KIF2C: variants seen among roughly 807,000 people sequenced by gnomAD.
The protein encoded by KIF2C is kinesin family member 2C.
A neutral mutation model predicts 97.4 loss-of-function variants in KIF2C; 34 were observed. That is an observed-to-expected ratio of 0.35 (90% confidence interval 0.27 to 0.46). KIF2C has a LOEUF of 0.46. Ranked by LOEUF, KIF2C falls within the 20% of genes least tolerant of loss-of-function variation. KIF2C has a pLI of 1.00. For synonymous variants in KIF2C, 313 were observed against 318.2 expected, an observed-to-expected ratio of 0.98 and a Z score of 0.17; for missense variants, 750 against 907.6, an observed-to-expected ratio of 0.83 and a Z score of 2.23.
chr1:44,745,586 G>A (rs1439134193), intron 2 of KIF2C, among the ~76,000 whole-genome samples: 1 of 142,170 alleles, frequency 7.0e-6, no homozygotes, highest in Non-Finnish European at 1.5e-5. Context: ...CGATTCTTCT[G>A]CCTCAGCCTC....
At chr1:44,757,516 C>T (rs779019832) in intron 10 of KIF2C, 40 bp from the exon 11 acceptor site, 1 of 1,306,762 alleles carries the variant, frequency 7.7e-7, no homozygotes, top group Non-Finnish European at 1.1e-6. Flanking sequence ...CCAGGGAGCA[C>T]AGTTTGGGAA....
At chr1:44,765,708 AC>A (rs774171886) in intron 19 of KIF2C, among the ~76,000 whole-genome samples, 8 of 152,150 alleles carry the variant, frequency 5.3e-5, no homozygotes, top group Non-Finnish European at 1.0e-4. Flanking sequence ...GGTGGCGCGT[AC>A]CTGTAGTCTC....
At chr1:44,748,608 G>A (rs887411359) in intron 4 of KIF2C, among the ~76,000 whole-genome samples, 2 of 152,008 alleles carry the variant, frequency 1.3e-5, no homozygotes, top group African/African-American at 2.4e-5. Flanking sequence ...TGATATGATC[G>A]TAGCTCACTG....
chr1:44,767,245 T>C lies in KIF2C; in HGVS notation c.*66T>C, dbSNP rs540857768. ...CTTCCCTGGCCCTCCCCAGAGAACT[T>C]TGGGTACCTGGTGGGTCTAGGCAGG... On this transcript the variant is annotated 3_prime_UTR_variant, in exon 21 of 21. Transcript: ENST00000372224. 152 of 1,442,960 alleles carry C rather than the reference T, an allele frequency of 1.1e-4. 1 individual carries two copies. Among genetic ancestry groups the C allele is most frequent in the South Asian group, 8.1e-4 (70 of 86,192 alleles). 89.4% of individuals were successfully genotyped at this position (1,442,960 alleles called of 1,614,324 possible).
In KIF2C at chr1:44,757,912, T is replaced by A; in HGVS notation, c.1073T>A (p.Met358Lys). Residue 358 changes from methionine to lysine, a missense_variant, in exon 12 of 21, where the codon ATG (methionine) becomes AAG (lysine). Physicochemically the swap from Met to Lys is moderately conservative, Grantham distance 95. Coordinates refer to ENST00000372224, the MANE Select transcript of KIF2C (RefSeq NM_006845.4). ...TTCTACCCCTTCCCTTTGCAGACTA[T>A]GGGCGGAGACCTCTCTGGGAAAGCC... ...GQTGSGKTHT[M>K]GGDLSGKAQN... 6.2e-7 allele frequency: 1 copy of A among 1,614,136 alleles called. No individual in the cohort carries two copies. Among genetic ancestry groups the A allele is most frequent in the Non-Finnish European group, 8.5e-7 (1 of 1,179,994 alleles).
chr1:44,766,163 T>G (rs1186660850), intron 19 of KIF2C, among the ~76,000 whole-genome samples: 5 of 150,478 alleles, frequency 3.3e-5, no homozygotes, highest in Non-Finnish European at 5.9e-5. Flanking sequence ...GAGGCGGAGG[T>G]TGCAGTGAGC....
chr1:44,743,243 C>T (rs1334664226), intron 2 of KIF2C, among the ~76,000 whole-genome samples: 3 of 152,174 alleles, frequency 2.0e-5, no homozygotes, highest in African/African-American at 7.2e-5. Context: ...GGTCACTGGG[C>T]TAGGAGTATG....
At chr1:44,765,469 GAAA>G (rs1650409144) in intron 19 of KIF2C, among the ~76,000 whole-genome samples, 2 of 86,392 alleles carry the variant, frequency 2.3e-5, no homozygotes, top group South Asian at 6.2e-4. Flanking sequence ...AATAAAAAAA[GAAA>G]GAAAGAAAGA....
chr1:44,756,473 G>C (rs1338704584), intron 10 of KIF2C, among the ~76,000 whole-genome samples: 1 of 150,930 alleles, frequency 6.6e-6, no homozygotes, highest in African/African-American at 2.4e-5. Context: ...GGGTTCTTCT[G>C]TGCCTTATGC....
At chr1:44,764,811 A>G (rs544317370) in intron 19 of KIF2C, among the ~76,000 whole-genome samples, 4 of 152,222 alleles carry the variant, frequency 2.6e-5, no homozygotes, top group African/African-American at 4.8e-5. Flanking sequence ...GCCCAGTCGT[A>G]TATCTATTAT....
chr1:44,739,920 G>A lies in KIF2C; in HGVS notation c.-13G>A, dbSNP rs765334586. The A allele has an allele frequency of 1.2e-6, 2 of 1,613,412 alleles. No individual in the cohort carries two copies. Among genetic ancestry groups the A allele is most frequent in the Non-Finnish European group, 1.7e-6 (2 of 1,179,300 alleles). Reference sequence around the variant, plus strand: ...TTGGTATTGCGCGTTTCTCTTCCTTGCTGACTCTCCGAATGGCCATGGACT... The same window carrying A: ...TTGGTATTGCGCGTTTCTCTTCCTTACTGACTCTCCGAATGGCCATGGACT... On this transcript the variant is annotated 5_prime_UTR_variant, in exon 1 of 21. Transcript: ENST00000372224.
rs147138114 is a variant in KIF2C at position 44,741,412 on chromosome 1, C to T, written c.165+405C>T. 6.9e-4 allele frequency among the ~76,000 whole-genome samples: 103 copies of T among 149,870 alleles called. 1 individual carries two copies. In the East Asian group the frequency reaches 0.018, roughly 26 times the overall value. On this transcript the variant is annotated intron_variant, in intron 2 of 20. Transcript: ENST00000372224. The stretch of plus-strand genomic sequence containing the variant: ...AAAAAAAAAAAAAATTGGCTGGGTG[C>T]GGTGGCTCTTGCCTCTAATCCCGAC...
intron 19 of KIF2C, among the ~76,000 whole-genome samples, chr1:44,766,333 C>T (rs1650462497): frequency 6.6e-6 from 1 of 152,162 alleles, no homozygotes; most frequent in South Asian, 2.1e-4. Context: ...GATAGGAGGC[C>T]GGAAGTGGTG....
intron 10 of KIF2C, 42 bp from the exon 11 acceptor site, chr1:44,757,514 C>A: frequency 7.8e-7 from 1 of 1,286,288 alleles, no homozygotes; most frequent in Non-Finnish European, 1.1e-6. Flanking sequence ...TTCCAGGGAG[C>A]ACAGTTTGGG....
intron 2 of KIF2C, among the ~76,000 whole-genome samples, chr1:44,743,193 A>G (rs1649020614): frequency 6.6e-6 from 1 of 152,190 alleles, no homozygotes; most frequent in Non-Finnish European, 1.5e-5. Context: ...CACTGTGACT[A>G]AGACATTTCT....
In KIF2C at chr1:44,753,851, C is replaced by T; in HGVS notation, c.663+18C>T. 1 of 1,524,978 alleles carries T rather than the reference C, an allele frequency of 6.6e-7. No homozygotes were observed. Among genetic ancestry groups the T allele is most frequent in the Non-Finnish European group, 9.0e-7 (1 of 1,112,950 alleles). The allele number at this position is 1,524,978 out of a possible 1,614,324, so 94.5% of individuals were successfully genotyped here. ...GAGCTCAGGTACCTTTCTTGGGAGA[C>T]TAGGGTAAGGGTTTTTGGACAGGTG... On this transcript the variant is annotated intron_variant, in intron 7 of 20. Transcript: ENST00000372224.
At position 44,753,150 on chromosome 1, in the gene KIF2C, C is replaced by G; in HGVS notation, c.458C>G (p.Ser153Cys). The change falls in exon 6 of 21, where the codon TCC (serine) becomes TGC (cysteine). Residue 153 changes from serine to cysteine, a missense_variant. By Grantham distance (112) the Ser-to-Cys change is moderately radical. Coordinates refer to ENST00000372224, the MANE Select transcript of KIF2C (RefSeq NM_006845.4). ...CCTACAGCTGCCCCCACTAGGCCTT[C>G]CTGCCCTGCAGTGGCTGAAATACCA... is the stretch of plus-strand genomic sequence containing the variant. ...FSVPPAPTRPSCPAVAEIPLR... is the reference protein window; with the variant it reads ...FSVPPAPTRPCCPAVAEIPLR... 1.2e-6 allele frequency: 2 copies of G among 1,613,196 alleles called. No individual in the cohort carries two copies. Among genetic ancestry groups the G allele is most frequent in the East Asian group, 2.2e-5 (1 of 44,868 alleles).
chr1:44,746,587 G>A, intron 2 of KIF2C: 1 of 1,404,676 alleles, frequency 7.1e-7, no homozygotes. Context: ...TGCTTGGGGG[G>A]CTGTGCCCAG....
chr1:44,752,380 C>T (rs1268130452), intron 5 of KIF2C, among the ~76,000 whole-genome samples: 1 of 152,000 alleles, frequency 6.6e-6, no homozygotes, highest in Non-Finnish European at 1.5e-5. Context: ...GTGATCCGCC[C>T]GCCTCGGCCT....
Sources: gnomAD v4.1 joint callset for allele counts (sites outside exome capture counted in the v4.1 genomes callset) on GRCh38, gnomAD v4.1.1 for gene constraint, MANE v1.5 for transcripts, NCBI Gene and HGNC (gene_info 2026-07-23, HGNC 2026-07-21) for gene names.